HGSNAT: variants seen among roughly 807,000 people sequenced by gnomAD.
The protein encoded by HGSNAT is transmembrane protein 76.
In HGSNAT, 59 loss-of-function variants were observed where a neutral mutation model predicts 85.2. That is an observed-to-expected ratio of 0.69 (90% CI 0.56 to 0.86). HGSNAT has a LOEUF of 0.86. Ranked by LOEUF, HGSNAT falls within the 40% of genes least tolerant of loss-of-function variation. HGSNAT has a pLI of 0.00. For missense variants in HGSNAT, 756 were observed against 777.1 expected (o/e 0.97, Z 0.32); for synonymous variants, 321 against 304.5 (o/e 1.05, Z -0.56).
chr8:43,199,301 C>A, intron 17 of HGSNAT, 87 bp from the exon 18 acceptor site: 2 of 963,812 alleles, frequency 2.1e-6, no homozygotes, highest in African/African-American at 1.7e-5. Flanking sequence ...TCTGTTTTTT[C>A]ATTGAACTGG....
intron 1 of HGSNAT, among the ~76,000 whole-genome samples, chr8:43,143,062 A>G (rs1802601156): frequency 6.6e-6 from 1 of 152,180 alleles, no homozygotes; most frequent in Non-Finnish European, 1.5e-5. Context: ...TTAAAACTGA[A>G]GAAGGGAAAT....
intron 14 of HGSNAT, chr8:43,194,598 G>A (rs1804646845): frequency 1.1e-6 from 1 of 886,468 alleles, no homozygotes; most frequent in Admixed American, 6.2e-5. Flanking sequence ...GTGAGGGTCT[G>A]GGCTCTCCTC....
chr8:43,187,694 G>C (rs1804367345), intron 11 of HGSNAT, among the ~76,000 whole-genome samples: 1 of 152,156 alleles, frequency 6.6e-6, no homozygotes, highest in African/African-American at 2.4e-5. Context: ...TATGACGTTA[G>C]CTGGTTATTT....
At chr8:43,148,625 T>A in intron 2 of HGSNAT, among the ~76,000 whole-genome samples, 1 of 149,546 alleles carries the variant, frequency 6.7e-6, no homozygotes, top group Non-Finnish European at 1.5e-5. Flanking sequence ...CCATCTCTAT[T>A]AAAAAATACA....
chr8:43,145,377 G>C (rs1802680004), intron 1 of HGSNAT, among the ~76,000 whole-genome samples: 1 of 152,174 alleles, frequency 6.6e-6, no homozygotes, highest in Admixed American at 6.5e-5. Context: ...GGAAAAGCCA[G>C]CTCTAGTGGA....
At chr8:43,143,928 A>G (rs765491346) in intron 1 of HGSNAT, among the ~76,000 whole-genome samples, 1 of 152,028 alleles carries the variant, frequency 6.6e-6, no homozygotes, top group African/African-American at 2.4e-5. Flanking sequence ...GGAGATCTCA[A>G]CCATCACAGT....
intron 9 of HGSNAT, among the ~76,000 whole-genome samples, chr8:43,175,849 G>C (rs1005416260): frequency 6.6e-6 from 1 of 151,902 alleles, no homozygotes; most frequent in Non-Finnish European, 1.5e-5. Context: ...TTACAGGCGT[G>C]AGCCACCGAG....
At chr8:43,163,659 G>T (rs566725063) in intron 5 of HGSNAT, among the ~76,000 whole-genome samples, 2 of 151,988 alleles carry the variant, frequency 1.3e-5, no homozygotes, top group Admixed American at 1.3e-4. Context: ...CCAAATAGCT[G>T]GGATTACAGG....
intron 15 of HGSNAT, chr8:43,197,306 A>G (rs1804757495): frequency 7.4e-6 from 4 of 541,450 alleles, no homozygotes; most frequent in Non-Finnish European, 1.3e-5. Context: ...GAGGCGTATC[A>G]GAGAGACTGG....
At chr8:43,184,846 T>C (rs1381317080) in intron 11 of HGSNAT, among the ~76,000 whole-genome samples, 2 of 152,252 alleles carry the variant, frequency 1.3e-5, no homozygotes, top group Non-Finnish European at 2.9e-5. Context: ...GTTTCAGCTT[T>C]CTACATATGG....
chr8:43,170,506 C>G (rs1419209632), intron 6 of HGSNAT, 79 bp from the exon 7 acceptor site: 3 of 1,226,524 alleles, frequency 2.4e-6, no homozygotes, highest in Non-Finnish European at 3.5e-6. Context: ...CAAAACAAAA[C>G]AAAGAAATCA....
At chr8:43,151,076 C>T (rs1802901925) in intron 2 of HGSNAT, among the ~76,000 whole-genome samples, 1 of 152,012 alleles carries the variant, frequency 6.6e-6, no homozygotes. Flanking sequence ...TAAAAAGGCA[C>T]CAAATTTATG....
intron 5 of HGSNAT, among the ~76,000 whole-genome samples, chr8:43,162,798 C>G (rs188668852): frequency 1.3e-5 from 2 of 151,634 alleles, no homozygotes; most frequent in African/African-American, 4.8e-5. Context: ...TTGAACTCCT[C>G]GACTCAAGTG....
intron 7 of HGSNAT, 150 bp from the exon 8 acceptor site, chr8:43,172,160 G>A: frequency 1.4e-6 from 1 of 698,670 alleles, no homozygotes. Flanking sequence ...ATCGCTTCTT[G>A]GCCTTGATGT....
intron 5 of HGSNAT, among the ~76,000 whole-genome samples, chr8:43,165,909 C>G (rs1205061220): frequency 6.6e-6 from 1 of 152,048 alleles, no homozygotes; most frequent in Non-Finnish European, 1.5e-5. Flanking sequence ...GTACTCCAGC[C>G]TAGGCAAAGG....
chr8:43,185,315 A>G (rs1259296036), intron 11 of HGSNAT, among the ~76,000 whole-genome samples: 2 of 152,100 alleles, frequency 1.3e-5, no homozygotes, highest in Non-Finnish European at 1.5e-5. Flanking sequence ...TATTTTGTTG[A>G]GCAGTGGTTT....
intron 4 of HGSNAT, among the ~76,000 whole-genome samples, chr8:43,159,288 A>G (rs1232807658): frequency 6.6e-6 from 1 of 152,184 alleles, no homozygotes; most frequent in Non-Finnish European, 1.5e-5. Context: ...ATTATGTGAC[A>G]TTAAAAAATT....
rs777641646 is a variant in HGSNAT at position 43,170,655 on chromosome 8, C to T, written c.704C>T (p.Ala235Val). 1.2e-5 allele frequency: 20 copies of T among 1,608,072 alleles called. No individual in the cohort carries two copies. In the Admixed American group the frequency reaches 1.9e-4, roughly 15 times the overall value. The change falls in exon 7 of 18, where the codon GCC (alanine) becomes GTC (valine). Residue 235 changes from alanine (A) to valine (V), a missense_variant. By Grantham distance (64) the Ala-to-Val change is moderately conservative. Transcript: ENST00000379644. The stretch of plus-strand genomic sequence containing the variant: ...CAGCCAGCAACGTGGCGTCTATCTG[C>T]CCTGCCGCCCCGCCTCCGCAGCGTG... ...DVQPATWRLSALPPRLRSVDT... is the reference protein window; with the variant it reads ...DVQPATWRLSVLPPRLRSVDT...
Position 43,172,310 on chromosome 8 carries a change from G to A in HGSNAT, c.744G>A (p.Gly248=). 1 of 1,609,238 alleles carries A rather than the reference G, an allele frequency of 6.2e-7. No individual in the cohort carries two copies. The highest frequency in any genetic ancestry group is 8.5e-7 in the Non-Finnish European group (1 of 1,175,574). The part of the protein sequence containing the change: ...PRLRSVDTFR[G]IALILMVFVN... ...GCTTCTCTTTGTTGGCTTCTTCTAG[G>A]ATTGCTCTTATACTCATGGTCTTTG... Residue 248 remains glycine, a splice_region_variant and synonymous_variant, in exon 8 of 18, where the codon GGG becomes GGA. Transcript: ENST00000379644.
Sources: gnomAD v4.1 joint callset for allele counts (sites outside exome capture counted in the v4.1 genomes callset) on GRCh38, gnomAD v4.1.1 for gene constraint, MANE v1.5 for transcripts, NCBI Gene and HGNC (gene_info 2026-07-23, HGNC 2026-07-21) for gene names.